The following SMARCB1 variants were observed in gnomAD, a reference collection of about 807,000 sequenced individuals.
SMARCB1 encodes the protein SWI/SNF related BAF chromatin remodeling complex subunit B1.
Under a neutral mutation model 49.0 loss-of-function variants are expected in SMARCB1, and 5 were observed. The observed-to-expected ratio is 0.10, with a 90% CI of 0.05 to 0.21. The LOEUF (loss-of-function observed/expected upper bound fraction) is 0.21. Among genes scored for constraint, SMARCB1 ranks in the 10% least tolerant of loss-of-function variants. The pLI is 1.00. For missense variants in SMARCB1, 226 were observed against 509.2 expected (o/e 0.44, Z 5.35); for synonymous variants, 201 against 200.1 (o/e 1.00, Z -0.04).
rs1555879356 is a variant in SMARCB1 at position 23,816,888 on chromosome 22, C to T, written c.747C>T (p.Pro249=). 5.6e-6 allele frequency: 9 copies of T among 1,614,108 alleles called. No homozygotes were observed. The highest frequency in any genetic ancestry group is 7.6e-6 in the Non-Finnish European group (9 of 1,179,980). The part of the protein sequence containing the change: ...SAIRQQIESY[P]TDSILEDQSD... Reference sequence around the variant, plus strand: ...TCAGACAGCAGATCGAGTCCTACCCCACGGACAGCATCCTGGAGGACCAGT... The same window carrying T: ...TCAGACAGCAGATCGAGTCCTACCCTACGGACAGCATCCTGGAGGACCAGT... The change falls in exon 6 of 9, where the codon CCC becomes CCT. Residue 249 remains proline, a synonymous_variant. Transcript: ENST00000644036.
intron 1 of SMARCB1, among the ~76,000 whole-genome samples, chr22:23,788,856 AT>A (rs955892752): frequency 5.4e-5 from 8 of 147,440 alleles, no homozygotes; most frequent in African/African-American, 1.5e-4. Flanking sequence ...ATTTTCCACC[AT>A]TTTTTTTTTC....
rs906536122 is a variant in SMARCB1, at chr22:23,787,082, G to C, written c.-88G>C. On this transcript the variant is annotated 5_prime_UTR_variant, in exon 1 of 9. Transcript: ENST00000644036. ...GTCCGCATTTCGCCTTCCGGCTTCG[G>C]TTTCCCTCGGCCCAGCACGCCCCGG... 3 of 868,856 alleles carry C rather than the reference G, an allele frequency of 3.5e-6. No individual in the cohort carries two copies. The highest frequency in any genetic ancestry group is 4.0e-5 in the Admixed American group (2 of 49,462). The allele number at this position is 868,856 out of a possible 1,614,324, so 53.8% of individuals were successfully genotyped here. A position where few individuals can be genotyped will look rare whatever the true frequency, so the allele number is the denominator to read the frequency against.
Position 23,793,536 on chromosome 22 carries a change from C to T in SMARCB1, c.233-23C>T, listed in dbSNP as rs1168011370. 1.9e-6 allele frequency: 3 copies of T among 1,613,868 alleles called. No homozygotes were observed. In the South Asian group the frequency reaches 3.3e-5, roughly 18 times the overall value. ...GTGCCACCGCCACCAGCAGAGTGAC[C>T]CAGTGATGTTTGTCTGTTACAGATC... On this transcript the variant is annotated intron_variant, in intron 2 of 8. Transcript: ENST00000644036.
At chr22:23,829,128 G>A (rs2030530788) in intron 7 of SMARCB1, among the ~76,000 whole-genome samples, 1 of 152,228 alleles carries the variant, frequency 6.6e-6, no homozygotes, top group South Asian at 2.1e-4. Context: ...AAAGTTACTG[G>A]CACCTCCCCT....
At position 23,836,446 on chromosome 22, in the gene SMARCB1, G is replaced by T. The variant is rs370457454; in HGVS notation, c.*2266G>T. On this transcript the variant is annotated 3_prime_UTR_variant, in exon 9 of 9. Transcript: ENST00000644036. Reference sequence around the variant, plus strand: ...CAGCCGAAATCTGGTGAACTTCCCCGCTGACTGGCAGGTAGCAGAGGCCTA... The same window carrying T: ...CAGCCGAAATCTGGTGAACTTCCCCTCTGACTGGCAGGTAGCAGAGGCCTA... The T allele has an allele frequency of 2.4e-5, 24 of 990,640 alleles. No individual in the cohort carries two copies. The highest frequency in any genetic ancestry group is 2.8e-5 in the Non-Finnish European group (23 of 833,700). The allele number at this position is 990,640 out of a possible 1,614,324, so 61.4% of individuals were successfully genotyped here.
At position 23,801,315 on chromosome 22, in the gene SMARCB1, C is replaced by G. The variant is rs738797; in HGVS notation, c.500+234C>G. The G allele has an allele frequency of 0.85, 612,858 of 719,486 alleles. 265,687 individuals carry two copies. Among genetic ancestry groups the G allele is most frequent in the Non-Finnish European group, 0.92 (369,071 of 401,926 alleles). The allele number at this position is 719,486 out of a possible 1,614,324, so 44.6% of individuals were successfully genotyped here. On this transcript the variant is annotated intron_variant, in intron 4 of 8. Transcript: ENST00000644036. ...CCATGTCCTCCTCACCTCTCTGGCCCCTCAAGTGGAGTTACTCAGGGCGCG... is the reference window on the plus strand; with the variant it reads ...CCATGTCCTCCTCACCTCTCTGGCCGCTCAAGTGGAGTTACTCAGGGCGCG...
intron 5 of SMARCB1, chr22:23,804,531 A>G (rs1929372560): frequency 1.3e-5 from 2 of 152,052 alleles, no homozygotes. Flanking sequence ...TATCATAAGT[A>G]TCTTTCTGGT....
intron 5 of SMARCB1, among the ~76,000 whole-genome samples, chr22:23,806,653 G>A (rs968891073): frequency 2.0e-5 from 3 of 152,206 alleles, no homozygotes; most frequent in African/African-American, 7.2e-5. Context: ...CAGGCGTGGT[G>A]GCTCACGCCT....
At chr22:23,792,584 G>GT (rs1442823583) in intron 2 of SMARCB1, 3 of 170,386 alleles carry the variant, frequency 1.8e-5, no homozygotes, top group Non-Finnish European at 2.6e-5. Flanking sequence ...ATGGCGCCTT[G>GT]TAGAGAGCTG....
chr22:23,794,461 G>A (rs1928616271), intron 3 of SMARCB1, among the ~76,000 whole-genome samples: 1 of 151,844 alleles, frequency 6.6e-6, no homozygotes, highest in Non-Finnish European at 1.5e-5. Flanking sequence ...GGCATTGCTT[G>A]AGGCCAGGAG....
intron 5 of SMARCB1, among the ~76,000 whole-genome samples, chr22:23,814,329 AAGAC>A (rs1479317495): frequency 1.3e-5 from 2 of 152,222 alleles, no homozygotes; most frequent in African/African-American, 4.8e-5. Context: ...CAATGGAGGA[AAGAC>A]AGCTCATTCA....
At chr22:23,834,020 G>A (rs2030822046) in intron 8 of SMARCB1, 121 bp from the exon 9 acceptor site, 1 of 1,086,006 alleles carries the variant, frequency 9.2e-7, no homozygotes, top group South Asian at 1.3e-5. Context: ...GACCCTGCTG[G>A]GGGCCCACAT....
At chr22:23,787,418 G>T (rs1021442987) in intron 1 of SMARCB1, among the ~76,000 whole-genome samples, 156 bp downstream of exon 1, 24 of 151,900 alleles carry the variant, frequency 1.6e-4, no homozygotes, top group Admixed American at 1.3e-3. Flanking sequence ...GGGCGTGTCG[G>T]GTGTGGCCCC....
chr22:23,799,874 C>T (rs1156499903), intron 3 of SMARCB1, among the ~76,000 whole-genome samples: 2 of 151,122 alleles, frequency 1.3e-5, no homozygotes, highest in Non-Finnish European at 3.0e-5. Flanking sequence ...TTAGTAGAGA[C>T]GGGCTTTCAC....
chr22:23,788,759 T>C (rs1048525942), intron 1 of SMARCB1, among the ~76,000 whole-genome samples: 1 of 152,190 alleles, frequency 6.6e-6, no homozygotes, highest in Non-Finnish European at 1.5e-5. Context: ...CAATTGAGCA[T>C]AGCATGAATG....
At chr22:23,803,462 C>A in intron 5 of SMARCB1, 40 bp downstream of exon 5, 1 of 1,611,888 alleles carries the variant, frequency 6.2e-7, no homozygotes, top group Non-Finnish European at 8.5e-7. Flanking sequence ...GGCCCCAACC[C>A]CTGTGTGTTA....
chr22:23,826,513 C>T (rs1340913759), intron 7 of SMARCB1, among the ~76,000 whole-genome samples: 6 of 152,082 alleles, frequency 3.9e-5, no homozygotes, highest in Admixed American at 3.9e-4. Flanking sequence ...TCACCCTGTC[C>T]TCTGTGTTGG....
At position 23,833,560 on chromosome 22, in the gene SMARCB1, CCCT is replaced by C; in HGVS notation, c.987-7_987-5del. 6.2e-7 allele frequency: 1 copy of C among 1,614,210 alleles called. No homozygotes were observed. The highest frequency in any genetic ancestry group is 8.5e-7 in the Non-Finnish European group (1 of 1,180,036). On this transcript the variant is annotated splice_polypyrimidine_tract_variant and intron_variant, in intron 7 of 8. Transcript: ENST00000644036. ...GAAAAGTCATTCCTCTCACTGCCTC[CCCT>C]CCTCGTAGCGAGAACCCTCTGCCCA...
chr22:23,793,144 G>A (rs941220961), intron 2 of SMARCB1: 5 of 303,540 alleles, frequency 1.6e-5, no homozygotes, highest in Non-Finnish European at 3.3e-5. Context: ...CTTGCATCGT[G>A]TTGTGGATTG....
Sources: allele counts gnomAD v4.1 joint callset (sites outside exome capture counted in the v4.1 genomes callset), GRCh38; gene constraint gnomAD v4.1.1; transcripts MANE v1.5; gene names NCBI Gene and HGNC (gene_info 2026-07-23, HGNC 2026-07-21).